Variants in ZNF431 observed in about 807,000 individuals in gnomAD.
The protein encoded by ZNF431 is zinc finger protein 431.
A neutral mutation model predicts 57.0 loss-of-function variants in ZNF431; 34 were observed. That is an observed-to-expected ratio of 0.60 (90% confidence interval 0.45 to 0.79). The LOEUF (loss-of-function observed/expected upper bound fraction) is 0.79. Among genes scored for constraint, ZNF431 ranks in the 30% least tolerant of loss-of-function variants. ZNF431 has a pLI of 0.00. For synonymous variants in ZNF431, 207 were observed against 220.3 expected, an observed-to-expected ratio of 0.94 and a Z score of 0.54; for missense variants, 607 against 667.1, an observed-to-expected ratio of 0.91 and a Z score of 0.99.
rs1971379010 is a variant in ZNF431 at position 21,186,518 on chromosome 19, T to C, written c.*2484T>C. The C allele has an allele frequency of 6.6e-6, 1 of 152,162 alleles. No homozygotes were observed. The highest frequency in any genetic ancestry group is 2.4e-5 in the African/African-American group (1 of 41,440). The allele number at this position is 152,162 out of a possible 1,614,324, so 9.4% of individuals were successfully genotyped here. On this transcript the variant is annotated 3_prime_UTR_variant, in exon 5 of 5. Transcript: ENST00000311048. ...TACGGGAACAAAAATCATTTTAATATGGTGACTACTATAAAACTAAAAACC... is the reference window on the plus strand; with the variant it reads ...TACGGGAACAAAAATCATTTTAATACGGTGACTACTATAAAACTAAAAACC...
rs934624807 is a variant in ZNF431, at chr19:21,190,476, A to G, written c.*6442A>G. 1 of 152,078 alleles carries G rather than the reference A, an allele frequency of 6.6e-6. No homozygotes were observed. Among genetic ancestry groups the G allele is most frequent in the African/African-American group, 2.4e-5 (1 of 41,432 alleles). The allele number at this position is 152,078 out of a possible 1,614,324, so 9.4% of individuals were successfully genotyped here. A position where few individuals can be genotyped will look rare whatever the true frequency, so the allele number is the denominator to read the frequency against. On this transcript the variant is annotated 3_prime_UTR_variant, in exon 5 of 5. Transcript: ENST00000311048. ...AGTGTGCAAGGATTCCGTTTTCTTC[A>G]CATCTTTACCAACACTTTTTTCTTT...
intron 2 of ZNF431, among the ~76,000 whole-genome samples, chr19:21,165,596 CTTTT>C (rs962015663): frequency 6.6e-6 from 1 of 152,088 alleles, no homozygotes; most frequent in African/African-American, 2.4e-5. Flanking sequence ...AGCTCTGTGA[CTTTT>C]TTTCACTATA....
intron 3 of ZNF431, 109 bp downstream of exon 3, chr19:21,166,570 C>A: frequency 2.4e-6 from 3 of 1,274,654 alleles, no homozygotes; most frequent in Non-Finnish European, 2.1e-6. Flanking sequence ...AGTTTCTAAT[C>A]CCAGTTTTCA....
At chr19:21,181,962 C>A (rs1599619668) in intron 4 of ZNF431, among the ~76,000 whole-genome samples, 1 of 150,972 alleles carries the variant, frequency 6.6e-6, no homozygotes, top group Admixed American at 6.6e-5. Context: ...GGTTTGAGAT[C>A]CTGTGAGACT....
In ZNF431 at chr19:21,184,295, A is replaced by G. The variant is rs1971305825; in HGVS notation, c.*261A>G. On this transcript the variant is annotated 3_prime_UTR_variant, in exon 5 of 5. Coordinates refer to ENST00000311048, the MANE Select transcript of ZNF431 (RefSeq NM_133473.4). The stretch of plus-strand genomic sequence containing the variant: ...AACCTGGGAGGTGGAAGTTGCAGTG[A>G]GCCAAGATTGTACCACTGCACTCCA... 2.3e-5 allele frequency: 7 copies of G among 308,664 alleles called. No homozygotes were observed. In the South Asian group the frequency reaches 4.6e-4, roughly 20 times the overall value. The allele number at this position is 308,664 out of a possible 1,614,324, so 19.1% of individuals were successfully genotyped here.
At chr19:21,173,052 A>G (rs1970952296) in intron 4 of ZNF431, among the ~76,000 whole-genome samples, 1 of 152,174 alleles carries the variant, frequency 6.6e-6, no homozygotes, top group East Asian at 1.9e-4. Flanking sequence ...AAGTGACATA[A>G]TATTTTCAAA....
At chr19:21,147,030 A>G (rs546259361) in intron 2 of ZNF431, among the ~76,000 whole-genome samples, 3 of 152,316 alleles carry the variant, frequency 2.0e-5, no homozygotes, top group Non-Finnish European at 4.4e-5. Context: ...GTGACATTTT[A>G]TGTGAAGTCA....
At chr19:21,175,431 T>G (rs980865558) in intron 4 of ZNF431, 11 of 697,510 alleles carry the variant, frequency 1.6e-5, no homozygotes, top group African/African-American at 1.2e-4. Flanking sequence ...TAAGTTTAAT[T>G]TAATTTAATT....
Position 21,193,900 on chromosome 19 carries a change from A to G in ZNF431, c.*9866A>G, listed in dbSNP as rs1971555270. 2 of 152,358 alleles carry G rather than the reference A, an allele frequency of 1.3e-5. No individual in the cohort carries two copies. Among genetic ancestry groups the G allele is most frequent in the Admixed American group, 6.5e-5 (1 of 15,308 alleles). The allele number at this position is 152,358 out of a possible 1,614,324, so 9.4% of individuals were successfully genotyped here. A position where few individuals can be genotyped will look rare whatever the true frequency, so the allele number is the denominator to read the frequency against. ...TACCTCACAATAATAAGAGCCATCT[A>G]TGACAAATCCTCAGCTAACATACTG... On this transcript the variant is annotated 3_prime_UTR_variant, in exon 5 of 5. Transcript: ENST00000311048.
Position 21,187,139 on chromosome 19 carries a change from A to G in ZNF431, c.*3105A>G, listed in dbSNP as rs1003855613. On this transcript the variant is annotated 3_prime_UTR_variant, in exon 5 of 5. Transcript: ENST00000311048. Reference sequence around the variant, plus strand: ...TCAATGGTGAAGATTGATTGTTCATATAGAGAGGACATTTTTTTTCCAGAC... The same window carrying G: ...TCAATGGTGAAGATTGATTGTTCATGTAGAGAGGACATTTTTTTTCCAGAC... 3.9e-5 allele frequency: 6 copies of G among 152,188 alleles called. No homozygotes were observed. Among genetic ancestry groups the G allele is most frequent in the African/African-American group, 1.2e-4 (5 of 41,440 alleles). The allele number at this position is 152,188 out of a possible 1,614,324, so 9.4% of individuals were successfully genotyped here.
intron 4 of ZNF431, among the ~76,000 whole-genome samples, chr19:21,180,460 T>C (rs1261708164): frequency 1.3e-5 from 2 of 152,188 alleles, no homozygotes; most frequent in Non-Finnish European, 2.9e-5. Context: ...ATTTTGTTAA[T>C]TGTTGTATTT....
intron 2 of ZNF431, chr19:21,149,898 T>C: frequency 1.6e-6 from 1 of 629,248 alleles, no homozygotes; most frequent in Non-Finnish European, 3.0e-6. Context: ...CCCTTGATAA[T>C]GCAGTAAGGG....
In ZNF431 at chr19:21,166,544, A is replaced by G. The variant is rs2144994147; in HGVS notation, c.223+83A>G. ...TTTTGTAGAATTTTTTTGATAATTT[A>G]TGCTTTGTATAAATGAGTTTCTAAT... On this transcript the variant is annotated intron_variant, in intron 3 of 4. Transcript: ENST00000311048. 1.3e-5 allele frequency: 19 copies of G among 1,469,368 alleles called. No individual in the cohort carries two copies. The South Asian group carries it at 2.5e-4, about 20-fold the overall frequency. 91.0% of individuals were successfully genotyped at this position (1,469,368 alleles called of 1,614,324 possible).
chr19:21,155,077 A>G (rs1332615826), intron 2 of ZNF431, among the ~76,000 whole-genome samples: 3 of 152,120 alleles, frequency 2.0e-5, no homozygotes, highest in African/African-American at 7.2e-5. Context: ...TTGGTGTTTT[A>G]GACATGAAGT....
At chr19:21,144,509 G>C (rs1198142844) in intron 2 of ZNF431, among the ~76,000 whole-genome samples, 1 of 151,836 alleles carries the variant, frequency 6.6e-6, no homozygotes, top group Non-Finnish European at 1.5e-5. Context: ...TGGCAGGTAG[G>C]AAAATATTTA....
intron 2 of ZNF431, among the ~76,000 whole-genome samples, chr19:21,157,326 CAG>C (rs1474519682): frequency 1.3e-5 from 2 of 151,562 alleles, no homozygotes; most frequent in African/African-American, 4.9e-5. Context: ...TTAGTAGAGA[CAG>C]AGTTTTGCCA....
At chr19:21,157,333 T>G (rs559302094) in intron 2 of ZNF431, among the ~76,000 whole-genome samples, 4 of 151,992 alleles carry the variant, frequency 2.6e-5, no homozygotes, top group Non-Finnish European at 5.9e-5. Context: ...AGACAGAGTT[T>G]TGCCATGGGA....
At chr19:21,173,281 G>T (rs1347040347) in intron 4 of ZNF431, among the ~76,000 whole-genome samples, 1 of 151,922 alleles carries the variant, frequency 6.6e-6, no homozygotes, top group Non-Finnish European at 1.5e-5. Flanking sequence ...TCCTGTGTTG[G>T]ATAGTTTGGA....
rs1218198092 is a variant in ZNF431 at position 21,156,918 on chromosome 19, C to G, written c.97-9417C>G. On this transcript the variant is annotated intron_variant, in intron 2 of 4. Coordinates refer to ENST00000311048, the MANE Select transcript of ZNF431 (RefSeq NM_133473.4). ...GCCCCCAAAGTAGCTGGGACTACAT[C>G]CATGCACCACCATGCCCAGCTAACT... Among the ~76,000 whole-genome samples the G allele has an allele frequency of 2.6e-5, 4 of 152,144 alleles. No homozygotes were observed. The East Asian group carries it at 7.8e-4, about 30-fold the overall frequency.
Sources: gnomAD v4.1 joint callset for allele counts (sites outside exome capture counted in the v4.1 genomes callset) on GRCh38, gnomAD v4.1.1 for gene constraint, MANE v1.5 for transcripts, NCBI Gene and HGNC (gene_info 2026-07-23, HGNC 2026-07-21) for gene names.